Variants in SEMA3E observed in about 807,000 individuals in gnomAD.
SEMA3E encodes the protein semaphorin 3E, also known as semaphorin-3E.
Under a neutral mutation model 93.6 loss-of-function variants are expected in SEMA3E, and 49 were observed. The ratio of observed to expected loss-of-function variants is 0.52; its 90% confidence interval spans 0.42 to 0.66. The LOEUF is 0.66. Ranked by LOEUF, SEMA3E falls within the 30% of genes least tolerant of loss-of-function variation. SEMA3E has a pLI of 0.00. For missense variants in SEMA3E, 906 were observed against 964.8 expected (o/e 0.94, Z 0.81); for synonymous variants, 363 against 330.7 (o/e 1.10, Z -1.06).
At chr7:83,480,739 AT>A (rs1476051593) in intron 2 of SEMA3E, among the ~76,000 whole-genome samples, 1 of 152,128 alleles carries the variant, frequency 6.6e-6, no homozygotes, top group Non-Finnish European at 1.5e-5. Flanking sequence ...GTTCAATTAA[AT>A]TTTACCAGCA....
At chr7:83,610,277 C>CT (rs1201810895) in intron 1 of SEMA3E, among the ~76,000 whole-genome samples, 2 of 152,052 alleles carry the variant, frequency 1.3e-5, no homozygotes, top group East Asian at 1.9e-4. Context: ...ATATACAGCA[C>CT]TTGATGAATA....
At chr7:83,416,232 A>G (rs370143830) in intron 5 of SEMA3E, among the ~76,000 whole-genome samples, 4 of 152,076 alleles carry the variant, frequency 2.6e-5, no homozygotes, top group East Asian at 1.9e-4. Context: ...GGATTATTCT[A>G]TAACTTTTGT....
intron 1 of SEMA3E, among the ~76,000 whole-genome samples, chr7:83,509,084 A>G (rs996510939): frequency 6.6e-5 from 10 of 152,162 alleles, no homozygotes; most frequent in Non-Finnish European, 1.5e-4. Context: ...TTAAAGTTTT[A>G]CAACTTTTAT....
chr7:83,642,986 G>T (rs757199931), intron 1 of SEMA3E, among the ~76,000 whole-genome samples: 9 of 151,938 alleles, frequency 5.9e-5, no homozygotes, highest in South Asian at 2.1e-4. Context: ...TATATACAAA[G>T]ATAAAGAAAT....
At chr7:83,438,840 T>C (rs1789054665) in intron 4 of SEMA3E, among the ~76,000 whole-genome samples, 1 of 152,124 alleles carries the variant, frequency 6.6e-6, no homozygotes, top group South Asian at 2.1e-4. Flanking sequence ...CTTTTAAAAA[T>C]TTAACTGAAG....
chr7:83,396,648 T>C lies in SEMA3E; in HGVS notation c.1448A>G (p.Gln483Arg), dbSNP rs1232221433. 2 of 1,598,112 alleles carry C rather than the reference T, an allele frequency of 1.3e-6. No homozygotes were observed. Among genetic ancestry groups the C allele is most frequent in the Non-Finnish European group, 1.7e-6 (2 of 1,166,816 alleles). The change falls in exon 12 of 17, where the codon CAG becomes CGG. Residue 483 changes from glutamine to arginine, a missense_variant. Coordinates refer to ENST00000643230, the MANE Select transcript of SEMA3E (RefSeq NM_012431.3). ...TTTTGCTTTAAATACCTTGAATATC[T>C]GAAGTTCTTCTAGAATTACTTCTTC... is the stretch of plus-strand genomic sequence containing the variant. The part of the protein sequence containing the change: ...SMEEVILEEL[Q>R]IFKDPVPIIS...
intron 2 of SEMA3E, among the ~76,000 whole-genome samples, chr7:83,481,381 T>A (rs1790142765): frequency 6.6e-6 from 1 of 152,068 alleles, no homozygotes; most frequent in African/African-American, 2.4e-5. Context: ...AATAAATAAA[T>A]AAAACAAAAA....
intron 1 of SEMA3E, among the ~76,000 whole-genome samples, chr7:83,601,330 C>G (rs1792991894): frequency 6.6e-6 from 1 of 152,196 alleles, no homozygotes; most frequent in Non-Finnish European, 1.5e-5. Context: ...TCAGTGAGAG[C>G]TACTTGGGTA....
rs908197392 is a variant in SEMA3E at position 83,367,232 on chromosome 7, T to A, written c.*354A>T. ...AACATATTTAGTTTTATATTTACCA[T>A]GATTATAAGTCTCCAATTTTTCTTC... is the stretch of plus-strand genomic sequence containing the variant. On this transcript the variant is annotated 3_prime_UTR_variant, in exon 17 of 17. Coordinates refer to ENST00000643230, the MANE Select transcript of SEMA3E (RefSeq NM_012431.3). 1.2e-4 allele frequency: 29 copies of A among 236,000 alleles called. No individual in the cohort carries two copies. Among genetic ancestry groups the A allele is most frequent in the Non-Finnish European group, 2.1e-4 (25 of 119,840 alleles). 14.6% of individuals were successfully genotyped at this position (236,000 alleles called of 1,614,324 possible).
intron 2 of SEMA3E, among the ~76,000 whole-genome samples, chr7:83,475,179 T>C (rs1406332575): frequency 6.6e-6 from 1 of 152,044 alleles, no homozygotes; most frequent in Non-Finnish European, 1.5e-5. Context: ...AATATTAGCA[T>C]CCCTTCTTAC....
At chr7:83,368,579 T>C (rs1037714903) in intron 16 of SEMA3E, among the ~76,000 whole-genome samples, 2 of 152,266 alleles carry the variant, frequency 1.3e-5, no homozygotes, top group African/African-American at 2.4e-5. Context: ...CATCAGTTAA[T>C]CAGTTCAGTG....
chr7:83,434,776 G>C (rs990365497), intron 4 of SEMA3E, among the ~76,000 whole-genome samples: 2 of 148,478 alleles, frequency 1.3e-5, no homozygotes, highest in South Asian at 4.3e-4. Context: ...TGCAGTGGCG[G>C]GATCTCGGCT....
At chr7:83,549,314 G>A (rs569279751) in intron 1 of SEMA3E, among the ~76,000 whole-genome samples, 28 of 152,106 alleles carry the variant, frequency 1.8e-4, no homozygotes, top group African/African-American at 6.7e-4. Context: ...ATATCATAAA[G>A]GCTATTTGCT....
intron 1 of SEMA3E, among the ~76,000 whole-genome samples, chr7:83,630,073 G>T (rs543031761): frequency 6.6e-6 from 1 of 152,136 alleles, no homozygotes. Flanking sequence ...TCCCTGTGAG[G>T]CAACACCCCA....
intron 4 of SEMA3E, among the ~76,000 whole-genome samples, chr7:83,423,120 A>G (rs1788701445): frequency 6.6e-6 from 1 of 152,216 alleles, no homozygotes; most frequent in Non-Finnish European, 1.5e-5. Flanking sequence ...TGCCATGCTA[A>G]CATTTTGAAA....
chr7:83,639,138 AAAC>A (rs547056950), intron 1 of SEMA3E, among the ~76,000 whole-genome samples: 6,922 of 121,318 alleles, frequency 0.057, 1,401 homozygotes, highest in East Asian at 0.093. Flanking sequence ...AAAAAAAAAA[AAAC>A]AGAGATTCCT....
chr7:83,373,674 A>G (rs1233890169), intron 16 of SEMA3E, among the ~76,000 whole-genome samples: 1 of 152,164 alleles, frequency 6.6e-6, no homozygotes, highest in South Asian at 2.1e-4. Context: ...ACTCAAAACC[A>G]TAACATGTAA....
chr7:83,399,908 C>A, intron 11 of SEMA3E, 120 bp downstream of exon 11: 1 of 815,374 alleles, frequency 1.2e-6, no homozygotes, highest in Non-Finnish European at 2.1e-6. Context: ...TTTGGATTAG[C>A]AGTGTGAAAT....
At chr7:83,565,177 A>G (rs1166772900) in intron 1 of SEMA3E, among the ~76,000 whole-genome samples, 1 of 152,294 alleles carries the variant, frequency 6.6e-6, no homozygotes, top group East Asian at 1.9e-4. Flanking sequence ...AGATAAAGAA[A>G]ATGCGGTACA....
Sources: gnomAD v4.1 joint callset for allele counts (sites outside exome capture counted in the v4.1 genomes callset) on GRCh38, gnomAD v4.1.1 for gene constraint, MANE v1.5 for transcripts, NCBI Gene and HGNC (gene_info 2026-07-23, HGNC 2026-07-21) for gene names.